ZNF14: variants seen among roughly 807,000 people sequenced by gnomAD.
The protein encoded by ZNF14 is zinc finger protein 14, also known as gonadotropin inducible transcription repressor-4.
A neutral mutation model predicts 11.3 loss-of-function variants in ZNF14; 9 were observed. The ratio of observed to expected loss-of-function variants is 0.80; its 90% CI spans 0.48 to 1.39. The LOEUF (loss-of-function observed/expected upper bound fraction) is 1.39. ZNF14 is among the 40% of genes most tolerant of loss of function. The pLI, the probability that ZNF14 is intolerant of heterozygous loss-of-function variation, is 0.00. For missense variants in ZNF14, 711 were observed against 763.9 expected (o/e 0.93, Z 0.82); for synonymous variants, 239 against 245.7 (o/e 0.97, Z 0.25).
In ZNF14 at chr19:19,723,982, A is replaced by T. The variant is rs532025265; in HGVS notation, c.3+8974T>A. ...TTGATTCTTCTCTCTTTTATTCTTT[A>T]TTAGTCTTGCTAGCAGTCTATCAAT... On this transcript the variant is annotated intron_variant, in intron 1 of 3. Transcript: ENST00000344099. Among the ~76,000 whole-genome samples the T allele has an allele frequency of 8.3e-5, 11 of 131,760 alleles. 4 individuals are homozygous for T. Among genetic ancestry groups the T allele is most frequent in the African/African-American group, 3.1e-4 (11 of 35,542 alleles). 86.4% of individuals were successfully genotyped at this position (131,760 alleles called of 152,430 possible).
At chr19:19,722,344 T>C (rs1296206775) in intron 1 of ZNF14, among the ~76,000 whole-genome samples, 1 of 152,204 alleles carries the variant, frequency 6.6e-6, no homozygotes, top group African/African-American at 2.4e-5. Flanking sequence ...CCTTTCCCCA[T>C]TTCTTGTTTT....
At chr19:19,715,458 C>T (rs1453781777) in intron 1 of ZNF14, among the ~76,000 whole-genome samples, 1 of 152,206 alleles carries the variant, frequency 6.6e-6, no homozygotes, top group Non-Finnish European at 1.5e-5. Flanking sequence ...ATCCAAAGAA[C>T]TGAGCCCCAA....
At chr19:19,731,831 G>A (rs574109627) in intron 1 of ZNF14, among the ~76,000 whole-genome samples, 6 of 152,312 alleles carry the variant, frequency 3.9e-5, no homozygotes, top group Admixed American at 2.0e-4. Context: ...ACTTTGGGAG[G>A]CCAAGGCGGG....
Position 19,711,581 on chromosome 19 carries a change from G to A in ZNF14, c.1700C>T (p.Ala567Val). ...KPYQCKQCGK[A>V]FISSSKFRMH... ...TCGAAATTTACTGGAAGAAATGAAGGCTTTTCCACATTGTTTACATTGATA... is the reference window on the plus strand; with the variant it reads ...TCGAAATTTACTGGAAGAAATGAAGACTTTTCCACATTGTTTACATTGATA... The change falls in exon 4 of 4, where the codon GCC (alanine) becomes GTC (valine). Residue 567 changes from alanine (A) to valine (V), a missense_variant. By Grantham distance (64) the Ala-to-Val change is moderately conservative (BLOSUM62 0). Coordinates refer to ENST00000344099, the MANE Select transcript of ZNF14 (RefSeq NM_021030.3). 2 of 1,613,830 alleles carry A rather than the reference G, an allele frequency of 1.2e-6. No individual in the cohort carries two copies. The highest frequency in any genetic ancestry group is 1.7e-6 in the Non-Finnish European group (2 of 1,179,914).
chr19:19,730,418 G>A (rs2062419800), intron 1 of ZNF14, among the ~76,000 whole-genome samples: 1 of 152,098 alleles, frequency 6.6e-6, no homozygotes, highest in Non-Finnish European at 1.5e-5. Context: ...CTATCTCACA[G>A]ACAATGAAAT....
chr19:19,724,649 T>A (rs2062401854), intron 1 of ZNF14, among the ~76,000 whole-genome samples: 1 of 133,528 alleles, frequency 7.5e-6, no homozygotes, highest in Admixed American at 7.4e-5. Context: ...TAACTTTCTG[T>A]CTTGTTGATC....
chr19:19,720,518 T>C lies in ZNF14; in HGVS notation c.4-6031A>G, dbSNP rs141613423. 9.2e-4 allele frequency among the ~76,000 whole-genome samples: 140 copies of C among 152,126 alleles called. No individual in the cohort carries two copies. In the East Asian group the frequency reaches 0.017, roughly 19 times the overall value. On this transcript the variant is annotated intron_variant, in intron 1 of 3. Coordinates refer to ENST00000344099, the MANE Select transcript of ZNF14 (RefSeq NM_021030.3). The surrounding 1 kb of genome is among the most constrained non-coding windows in gnomAD (Gnocchi z 4.1). The stretch of plus-strand genomic sequence containing the variant: ...ACCATGCCTGGCTAATTTTTTTGTA[T>C]TTTTAGTAGAGACGGGGTTTCGCCA...
intron 1 of ZNF14, among the ~76,000 whole-genome samples, chr19:19,723,943 T>C (rs1204352990): frequency 7.5e-6 from 1 of 134,174 alleles, no homozygotes; most frequent in South Asian, 2.4e-4. Context: ...TTTATCATTT[T>C]TTATTGCATC....
chr19:19,712,093 A>G lies in ZNF14; in HGVS notation c.1188T>C (p.Cys396=), dbSNP rs140260178. The part of the protein sequence containing the change: ...TGEKPYECKQ[C]HKTFSFSSSL... The stretch of plus-strand genomic sequence containing the variant: ...AACTTGAAAAACTGAAGGTTTTATG[A>G]CACTGTTTACACTCATAAGGTTTCT... Residue 396 remains cysteine, a synonymous_variant, in exon 4 of 4, where the codon TGT becomes TGC. Transcript: ENST00000344099. The G allele has an allele frequency of 1.7e-4, 268 of 1,613,354 alleles. No individual in the cohort carries two copies. The highest frequency in any genetic ancestry group is 2.2e-4 in the Non-Finnish European group (255 of 1,179,876).
At chr19:19,718,752 A>C (rs2062384485) in intron 1 of ZNF14, among the ~76,000 whole-genome samples, 1 of 152,166 alleles carries the variant, frequency 6.6e-6, no homozygotes, top group African/African-American at 2.4e-5. Context: ...TGTTATAAAA[A>C]CATAAAAGAA....
rs1205865129 is a variant in ZNF14 at position 19,712,207 on chromosome 19, A to G, written c.1074T>C (p.Ile358=). The G allele has an allele frequency of 4.3e-6, 7 of 1,613,910 alleles. No individual in the cohort carries two copies. Among genetic ancestry groups the G allele is most frequent in the Admixed American group, 1.7e-5 (1 of 59,980 alleles). ...GTTTACATTCATATGGTTTTTCTCC[A>G]ATATGAGTTCTTTCATGCACTCGAC... ...NSCRVHERTH[I]GEKPYECKRC... is the part of the protein sequence containing the mutation. Residue 358 remains isoleucine (I), a synonymous_variant, in exon 4 of 4, where the codon ATT becomes ATC. Transcript: ENST00000344099.
Position 19,733,084 on chromosome 19 carries a change from C to T in ZNF14, c.-126G>A. Reference sequence around the variant, plus strand: ...AGGAGCAGGTGAAACGCAATCTTCCCATGGGCCAGGAATGGCGACGTCCGC... The same window carrying T: ...AGGAGCAGGTGAAACGCAATCTTCCTATGGGCCAGGAATGGCGACGTCCGC... On this transcript the variant is annotated 5_prime_UTR_variant, in exon 1 of 4. It removes an upstream start codon present in the reference 5' UTR. Coordinates refer to ENST00000344099, the MANE Select transcript of ZNF14 (RefSeq NM_021030.3). 7.8e-7 allele frequency: 1 copy of T among 1,277,266 alleles called. No homozygotes were observed. Among genetic ancestry groups the T allele is most frequent in the Admixed American group, 2.2e-5 (1 of 45,632 alleles). 79.1% of individuals were successfully genotyped at this position (1,277,266 alleles called of 1,614,324 possible).
rs184716338 is a variant in ZNF14 at position 19,726,010 on chromosome 19, C to T, written c.3+6946G>A. Among the ~76,000 whole-genome samples, 18 of 134,036 alleles carry T rather than the reference C, an allele frequency of 1.3e-4. 3 individuals are homozygous for T. The highest frequency in any genetic ancestry group is 1.7e-4 in the Non-Finnish European group (10 of 60,276). 87.9% of individuals were successfully genotyped at this position (134,036 alleles called of 152,430 possible). ...TTTTTCAAGGTTTTTAGCTTCTTTG[C>T]GATGGGTCTGAACATCCTCCTTTAG... On this transcript the variant is annotated intron_variant, in intron 1 of 3. Coordinates refer to ENST00000344099, the MANE Select transcript of ZNF14 (RefSeq NM_021030.3).
In ZNF14 at chr19:19,711,826, A is replaced by C. The variant is rs1376366449; in HGVS notation, c.1455T>G (p.Ile485Met). 2 of 1,613,240 alleles carry C rather than the reference A, an allele frequency of 1.2e-6. No individual in the cohort carries two copies. The highest frequency in any genetic ancestry group is 1.7e-6 in the Non-Finnish European group (2 of 1,179,510). ...CATGCAGTCGAAAGGAACTGGAACGAATGAAAACTTTTCCACACTGTTTAC... is the reference window on the plus strand; with the variant it reads ...CATGCAGTCGAAAGGAACTGGAACGCATGAAAACTTTTCCACACTGTTTAC... ...YECKQCGKVFIRSSSFRLHER... is the reference protein window; with the variant it reads ...YECKQCGKVFMRSSSFRLHER... Residue 485 changes from isoleucine to methionine, a missense_variant, in exon 4 of 4, where the codon ATT becomes ATG. Ile to Met is a conservative substitution (Grantham distance 10, BLOSUM62 1). Coordinates refer to ENST00000344099, the MANE Select transcript of ZNF14 (RefSeq NM_021030.3).
chr19:19,716,059 G>A lies in ZNF14; in HGVS notation c.4-1572C>T, dbSNP rs910129515. ...CCTCTACAAAATTTGTATACCAGGAGAGGGTTTATTACGCGTTTACTTGAG... is the reference window on the plus strand; with the variant it reads ...CCTCTACAAAATTTGTATACCAGGAAAGGGTTTATTACGCGTTTACTTGAG... On this transcript the variant is annotated intron_variant, in intron 1 of 3. Transcript: ENST00000344099. 5.3e-5 allele frequency among the ~76,000 whole-genome samples: 8 copies of A among 152,134 alleles called. No individual in the cohort carries two copies. The East Asian group carries it at 1.5e-3, about 29-fold the overall frequency.
chr19:19,724,334 T>C lies in ZNF14; in HGVS notation c.3+8622A>G, dbSNP rs1475056525. ...ATGTTTATTTCTGCCTTCATTTCGT[T>C]ATGCACCCAATAGTCATTCAGGAGC... On this transcript the variant is annotated intron_variant, in intron 1 of 3. Transcript: ENST00000344099. Among the ~76,000 whole-genome samples, 11 of 134,358 alleles carry C rather than the reference T, an allele frequency of 8.2e-5. 3 individuals carry two copies. Among genetic ancestry groups the C allele is most frequent in the Non-Finnish European group, 1.7e-4 (10 of 60,398 alleles). The allele number at this position is 134,358 out of a possible 152,430, so 88.1% of individuals were successfully genotyped here. A position where few individuals can be genotyped will look rare whatever the true frequency, so the allele number is the denominator to read the frequency against.
chr19:19,721,289 T>C (rs2062392895), intron 1 of ZNF14, among the ~76,000 whole-genome samples: 1 of 152,104 alleles, frequency 6.6e-6, no homozygotes, highest in African/African-American at 2.4e-5. Flanking sequence ...CCAACCTTAA[T>C]AGTCACAAAG....
intron 1 of ZNF14, among the ~76,000 whole-genome samples, chr19:19,730,296 G>T (rs998120181): frequency 1.3e-5 from 2 of 151,906 alleles, no homozygotes; most frequent in Admixed American, 1.3e-4. Context: ...CAAAGTGCTG[G>T]GATTACAGGC....
rs118099380 is a variant in ZNF14, at chr19:19,719,653, C to A, written c.4-5166G>T. On this transcript the variant is annotated intron_variant, in intron 1 of 3. Coordinates refer to ENST00000344099, the MANE Select transcript of ZNF14 (RefSeq NM_021030.3). ...CATCAAGTAAAATGCTTAATGAAAG[C>A]AGATAAGGTAGAAAAAGAATAGAAG... Among the ~76,000 whole-genome samples the A allele has an allele frequency of 2.2e-4, 34 of 151,820 alleles. 1 individual carries two copies. The East Asian group carries it at 6.2e-3, about 28-fold the overall frequency.
Sources: gnomAD v4.1 joint callset for allele counts (sites outside exome capture counted in the v4.1 genomes callset) on GRCh38, gnomAD v4.1.1 for gene constraint, Gnocchi (gnomAD v3.1) non-coding constraint, MANE v1.5 for transcripts, NCBI Gene and HGNC (gene_info 2026-07-23, HGNC 2026-07-21) for gene names.